The following RIMBP2 variants were observed in gnomAD, a reference collection of about 807,000 sequenced individuals.
RIMBP2 encodes the protein RIMS-binding protein 2.
In RIMBP2, 48 loss-of-function variants were observed where a neutral mutation model predicts 118.6. That is an observed-to-expected ratio of 0.40 (90% CI 0.32 to 0.51). RIMBP2 has a LOEUF of 0.51. Ranked by LOEUF, RIMBP2 falls within the 20% of genes least tolerant of loss-of-function variation. The pLI, the probability that RIMBP2 is intolerant of heterozygous loss-of-function variation, is 0.41. For synonymous variants in RIMBP2, 762 were observed against 742.9 expected, an observed-to-expected ratio of 1.03 and a Z score of -0.42; for missense variants, 1,551 against 1,768.3, an observed-to-expected ratio of 0.88 and a Z score of 2.20.
At chr12:130,574,054 C>A (rs564033863) in intron 2 of RIMBP2, among the ~76,000 whole-genome samples, 42 of 152,298 alleles carry the variant, frequency 2.8e-4, no homozygotes, top group African/African-American at 7.9e-4. Flanking sequence ...ATTATCACCA[C>A]GCTAAGGGAT....
chr12:130,604,416 G>T (rs12818386), intron 2 of RIMBP2, among the ~76,000 whole-genome samples: 100,260 of 147,270 alleles, frequency 0.68, 34,351 homozygotes, highest in South Asian at 0.81. Flanking sequence ...AGTGTTCAGT[G>T]TCCATAAAGC....
chr12:130,647,376 A>G (rs1443566550), intron 1 of RIMBP2, among the ~76,000 whole-genome samples: 1 of 152,076 alleles, frequency 6.6e-6, no homozygotes, highest in Non-Finnish European at 1.5e-5. Flanking sequence ...AACCAACAAC[A>G]AAAAAGAAGG....
At chr12:130,674,880 C>T (rs752561480) in intron 1 of RIMBP2, among the ~76,000 whole-genome samples, 12 of 152,184 alleles carry the variant, frequency 7.9e-5, no homozygotes, top group African/African-American at 1.9e-4. Context: ...CTTCCGGGTC[C>T]GGCCTCTTCC....
intron 1 of RIMBP2, among the ~76,000 whole-genome samples, chr12:130,638,199 C>T (rs911677764): frequency 3.3e-5 from 5 of 152,184 alleles, no homozygotes; most frequent in Non-Finnish European, 7.3e-5. Flanking sequence ...TGGGAATAGA[C>T]ACCGATTAAG....
chr12:130,491,456 T>C (rs977288307), intron 4 of RIMBP2, among the ~76,000 whole-genome samples: 3 of 152,218 alleles, frequency 2.0e-5, no homozygotes, highest in Non-Finnish European at 4.4e-5. Context: ...GCAGTACACA[T>C]GAGAACCTTT....
At chr12:130,563,762 T>A (rs2056992893) in intron 2 of RIMBP2, among the ~76,000 whole-genome samples, 2 of 152,230 alleles carry the variant, frequency 1.3e-5, no homozygotes. Context: ...TCATCTCTTC[T>A]CTGTGTTACT....
intron 1 of RIMBP2, 105 bp downstream of exon 1, chr12:130,716,117 G>C (rs1334472228): frequency 6.6e-6 from 1 of 152,216 alleles, no homozygotes; most frequent in African/African-American, 2.4e-5. Flanking sequence ...TGGGCAAAGA[G>C]TTTCCGGCTA....
intron 20 of RIMBP2, among the ~76,000 whole-genome samples, chr12:130,406,500 A>G (rs138124093): frequency 1.6e-3 from 251 of 152,354 alleles, no homozygotes; most frequent in African/African-American, 5.5e-3. Context: ...GATTATTACC[A>G]TGTTCTACTG....
rs928697010 is a variant in RIMBP2 at position 130,424,942 on chromosome 12, C to G, written c.2413-84G>C. Reference sequence around the variant, plus strand: ...GGGGGCCAGGGGAGGAAAGAAAATACAGACAGAATTAGTCCTGGAGGCACC... The same window carrying G: ...GGGGGCCAGGGGAGGAAAGAAAATAGAGACAGAATTAGTCCTGGAGGCACC... On this transcript the variant is annotated intron_variant, in intron 15 of 22. Transcript: ENST00000690449. This position sits in a 1 kb window ranked among gnomAD's most constrained non-coding sequence, Gnocchi z 9.8. 7.3e-5 allele frequency: 61 copies of G among 836,198 alleles called. No homozygotes were observed. The highest frequency in any genetic ancestry group is 3.9e-4 in the Admixed American group (9 of 23,122). 51.8% of individuals were successfully genotyped at this position (836,198 alleles called of 1,614,324 possible).
rs1593892455 is a variant in RIMBP2 at position 130,581,254 on chromosome 12, C to T, written c.-217+47068G>A. On this transcript the variant is annotated intron_variant, in intron 2 of 22. Coordinates refer to ENST00000690449, the MANE Select transcript of RIMBP2 (RefSeq NM_001393629.1). This position sits in a 1 kb window ranked among gnomAD's most constrained non-coding sequence, Gnocchi z 4.4. ...GGTCCCAGGTCACACAGGGGTGTGC[C>T]GGGAGTCAGGTTCAAACACAACAGG... 1.3e-5 allele frequency among the ~76,000 whole-genome samples: 2 copies of T among 152,068 alleles called. No homozygotes were observed. The highest frequency in any genetic ancestry group is 2.4e-5 in the African/African-American group (1 of 41,366).
rs746192792 is a variant in RIMBP2, at chr12:130,525,556, G to A, written c.-216-7639C>T. Among the ~76,000 whole-genome samples the A allele has an allele frequency of 5.3e-5, 8 of 152,136 alleles. No individual in the cohort carries two copies. The highest frequency in any genetic ancestry group is 3.9e-4 in the East Asian group (2 of 5,166). ...GGCGAGTGGAATGTGGGTAGCTGCC[G>A]GGAACAGCAGCCCTCCAGGAAGCCC... On this transcript the variant is annotated intron_variant, in intron 2 of 22. Transcript: ENST00000690449. The surrounding 1 kb of genome is among the most constrained non-coding windows in gnomAD (Gnocchi z 4.4).
chr12:130,474,073 C>T (rs2081233138), intron 5 of RIMBP2, among the ~76,000 whole-genome samples: 1 of 152,170 alleles, frequency 6.6e-6, no homozygotes, highest in African/African-American at 2.4e-5. Context: ...AAGGATGTAA[C>T]CTACACAAGA....
chr12:130,669,417 G>A (rs73159182), intron 1 of RIMBP2, among the ~76,000 whole-genome samples: 4,884 of 152,154 alleles, frequency 0.032, 81 homozygotes, highest in South Asian at 0.045. Flanking sequence ...TAATCCCCAC[G>A]TGTCCAGGGA....
At chr12:130,697,866 T>C (rs1412133845) in intron 1 of RIMBP2, among the ~76,000 whole-genome samples, 1 of 152,036 alleles carries the variant, frequency 6.6e-6, no homozygotes, top group Non-Finnish European at 1.5e-5. Flanking sequence ...CGAGTGTTGG[T>C]GAAGAGACAG....
chr12:130,529,979 C>A (rs2053203082), intron 2 of RIMBP2, among the ~76,000 whole-genome samples: 1 of 152,296 alleles, frequency 6.6e-6, no homozygotes, highest in Non-Finnish European at 1.5e-5. Flanking sequence ...GGCCACAGAC[C>A]TGTGCTGGTC....
chr12:130,684,533 C>A (rs2064954323), intron 1 of RIMBP2, among the ~76,000 whole-genome samples: 1 of 152,180 alleles, frequency 6.6e-6, no homozygotes, highest in African/African-American at 2.4e-5. Flanking sequence ...GCTTGCTGAG[C>A]TGCATTTTTA....
intron 2 of RIMBP2, among the ~76,000 whole-genome samples, chr12:130,560,194 CA>C (rs959941169): frequency 1.6e-4 from 25 of 152,182 alleles, no homozygotes; most frequent in Admixed American, 5.2e-4. Context: ...TTTCCCCCAC[CA>C]TATTCAGGTA....
intron 1 of RIMBP2, among the ~76,000 whole-genome samples, chr12:130,648,386 A>G (rs1468085109): frequency 6.9e-6 from 1 of 145,462 alleles, no homozygotes; most frequent in Non-Finnish European, 1.6e-5. Context: ...AGAATTACAC[A>G]CATAAGGTAT....
intron 2 of RIMBP2, among the ~76,000 whole-genome samples, chr12:130,615,174 AAT>A (rs958073812): frequency 2.3e-4 from 34 of 146,594 alleles, no homozygotes; most frequent in East Asian, 5.9e-4. Flanking sequence ...TATATTATAT[AAT>A]ATATATATTA....
Sources: allele counts gnomAD v4.1 joint callset (sites outside exome capture counted in the v4.1 genomes callset), GRCh38; gene constraint gnomAD v4.1.1; non-coding constraint Gnocchi (gnomAD v3.1); transcripts MANE v1.5; gene names NCBI Gene and HGNC (gene_info 2026-07-23, HGNC 2026-07-21).